The following CPE variants were observed in gnomAD, a reference collection of about 807,000 sequenced individuals.
CPE encodes carboxypeptidase E, also known as carbocypeptidase E.
In CPE, 17 loss-of-function variants were observed where a neutral mutation model predicts 53.5. The observed-to-expected ratio is 0.32, with a 90% CI of 0.22 to 0.48. The LOEUF is 0.48. Ranked by LOEUF, CPE falls within the 20% of genes least tolerant of loss-of-function variation. The pLI, the probability that CPE is intolerant of heterozygous loss-of-function variation, is 0.99. For synonymous variants in CPE, 226 were observed against 228.8 expected, an observed-to-expected ratio of 0.99 and a Z score of 0.11; for missense variants, 524 against 614.7, an observed-to-expected ratio of 0.85 and a Z score of 1.56.
chr4:165,391,415 A>G lies in CPE; in HGVS notation c.307+11887A>G, dbSNP rs61073284. Among the ~76,000 whole-genome samples, 1,071 of 152,236 alleles carry G rather than the reference A, an allele frequency of 7.0e-3. 11 individuals carry two copies. Among genetic ancestry groups the G allele is most frequent in the African/African-American group, 0.024 (984 of 41,566 alleles). Reference sequence around the variant, plus strand: ...AAGAAGGCTCTCATTCATGGAACATATTTCATTTTCCATAATATTCTCAGC... The same window carrying G: ...AAGAAGGCTCTCATTCATGGAACATGTTTCATTTTCCATAATATTCTCAGC... On this transcript the variant is annotated intron_variant, in intron 1 of 8. Transcript: ENST00000402744.
At chr4:165,380,610 A>C (rs1382536054) in intron 1 of CPE, among the ~76,000 whole-genome samples, 7 of 152,206 alleles carry the variant, frequency 4.6e-5, no homozygotes, top group Admixed American at 3.3e-4. Flanking sequence ...CAAGAAAAGT[A>C]GGCTAAAAAT....
At chr4:165,383,026 G>A (rs903607661) in intron 1 of CPE, among the ~76,000 whole-genome samples, 4 of 152,108 alleles carry the variant, frequency 2.6e-5, no homozygotes, top group African/African-American at 9.7e-5. Flanking sequence ...AGAGAGTTGC[G>A]AGTAGCAGCC....
chr4:165,494,791 C>T (rs2126718735), intron 7 of CPE, among the ~76,000 whole-genome samples: 1 of 152,172 alleles, frequency 6.6e-6, no homozygotes, highest in Middle Eastern at 3.4e-3. Context: ...GTGATGGGGG[C>T]TTAATTTTTT....
At chr4:165,383,502 C>T (rs6855889) in intron 1 of CPE, among the ~76,000 whole-genome samples, 40,807 of 152,044 alleles carry the variant, frequency 0.27, 6,375 homozygotes, top group African/African-American at 0.44. Flanking sequence ...TTCTTTTACA[C>T]GTAGTTCAAG....
intron 1 of CPE, among the ~76,000 whole-genome samples, chr4:165,393,741 C>T (rs1488083797): frequency 1.3e-5 from 2 of 152,174 alleles, no homozygotes; most frequent in Non-Finnish European, 2.9e-5. Context: ...TGGAATGTAA[C>T]TTATCAGTTA....
intron 3 of CPE, among the ~76,000 whole-genome samples, chr4:165,473,962 G>A (rs888361574): frequency 6.6e-6 from 1 of 152,208 alleles, no homozygotes; most frequent in Non-Finnish European, 1.5e-5. Flanking sequence ...TGGCCCTCAG[G>A]GCATCCAATT....
intron 3 of CPE, among the ~76,000 whole-genome samples, chr4:165,474,740 A>C (rs1426632175): frequency 6.6e-6 from 1 of 152,186 alleles, no homozygotes; most frequent in Non-Finnish European, 1.5e-5. Context: ...CCTAGAACCA[A>C]CCTTCATGTC....
chr4:165,464,321 G>A lies in CPE; in HGVS notation c.308-69G>A, dbSNP rs534728397. 1.4e-4 allele frequency: 168 copies of A among 1,202,010 alleles called. 1 individual carries two copies. In the African/African-American group the frequency reaches 2.3e-3, roughly 17 times the overall value. 74.5% of individuals were successfully genotyped at this position (1,202,010 alleles called of 1,614,324 possible). On this transcript the variant is annotated intron_variant, in intron 1 of 8. Coordinates refer to ENST00000402744, the MANE Select transcript of CPE (RefSeq NM_001873.4). ...CCCATCAGATATTCATAATACATTT[G>A]TAGGTATACAATATATTTGGCTCTG... is the stretch of plus-strand genomic sequence containing the variant.
At chr4:165,462,853 T>C (rs902731912) in intron 1 of CPE, among the ~76,000 whole-genome samples, 9 of 152,186 alleles carry the variant, frequency 5.9e-5, no homozygotes, top group Non-Finnish European at 2.9e-5. Context: ...CACAAGGTCA[T>C]AGTTTTCTGG....
rs566668838 is a variant in CPE, at chr4:165,400,507, T to C, written c.307+20979T>C. On this transcript the variant is annotated intron_variant, in intron 1 of 8. Transcript: ENST00000402744. ...TGACGATGCCCAGTGCTGTGGAAGTTAATGAAGCAGAGGATACAGTAAAGG... is the reference window on the plus strand; with the variant it reads ...TGACGATGCCCAGTGCTGTGGAAGTCAATGAAGCAGAGGATACAGTAAAGG... 4.6e-5 allele frequency among the ~76,000 whole-genome samples: 7 copies of C among 152,130 alleles called. No homozygotes were observed. The South Asian group carries it at 1.5e-3, about 32-fold the overall frequency.
At chr4:165,451,479 A>ATTTAT (rs370777951) in intron 1 of CPE, among the ~76,000 whole-genome samples, 2 of 150,462 alleles carry the variant, frequency 1.3e-5, no homozygotes, top group South Asian at 4.2e-4. Flanking sequence ...AGGTTTTATT[A>ATTTAT]TTATTTATTT....
At position 165,464,411 on chromosome 4, in the gene CPE, T is replaced by C; in HGVS notation, c.329T>C (p.Ile110Thr). 1 of 1,609,276 alleles carries C rather than the reference T, an allele frequency of 6.2e-7. No individual in the cohort carries two copies. The highest frequency in any genetic ancestry group is 8.5e-7 in the Non-Finnish European group (1 of 1,177,816). The change falls in exon 2 of 9, where the codon ATT becomes ACT. Residue 110 changes from isoleucine to threonine, a missense_variant. By Grantham distance (89) the Ile-to-Thr change is moderately conservative. Transcript: ENST00000402744. ...TTAGGTGAGCCTGAATTTAAATACA[T>C]TGGGAATATGCATGGGAATGAGGCT... ...HEPGEPEFKY[I>T]GNMHGNEAVG...
At position 165,482,307 on chromosome 4, in the gene CPE, T is replaced by C. The variant is rs1276677093; in HGVS notation, c.738T>C (p.Asn246=). The C allele has an allele frequency of 6.2e-7, 1 of 1,613,956 alleles. No individual in the cohort carries two copies. Among genetic ancestry groups the C allele is most frequent in the Non-Finnish European group, 8.5e-7 (1 of 1,179,944 alleles). The change falls in exon 4 of 9, where the codon AAT becomes AAC. Residue 246 remains asparagine (N), a synonymous_variant. Coordinates refer to ENST00000402744, the MANE Select transcript of CPE (RefSeq NM_001873.4). Reference sequence around the variant, plus strand: ...ATATTCCTTTTGTGCTTTCTGCCAATCTCCATGGAGGAGACCTTGTGGCCA... The same window carrying C: ...ATATTCCTTTTGTGCTTTCTGCCAACCTCCATGGAGGAGACCTTGTGGCCA... ...IMDIPFVLSA[N]LHGGDLVANY...
chr4:165,407,784 G>C (rs941606096), intron 1 of CPE, among the ~76,000 whole-genome samples: 12 of 151,832 alleles, frequency 7.9e-5, no homozygotes, highest in African/African-American at 1.7e-4. Context: ...TTGAACTCCT[G>C]ACCTCAGGTG....
At chr4:165,412,889 T>A (rs972192511) in intron 1 of CPE, among the ~76,000 whole-genome samples, 2 of 152,252 alleles carry the variant, frequency 1.3e-5, no homozygotes, top group African/African-American at 4.8e-5. Context: ...TGCACCGTTA[T>A]AACCAGTGAT....
intron 1 of CPE, among the ~76,000 whole-genome samples, chr4:165,384,098 C>T (rs773118053): frequency 1.1e-4 from 17 of 152,122 alleles, no homozygotes; most frequent in South Asian, 2.1e-4. Context: ...TACCACGGGG[C>T]GAAATCCTAT....
At chr4:165,488,760 T>G (rs914029269) in intron 6 of CPE, among the ~76,000 whole-genome samples, 1 of 151,624 alleles carries the variant, frequency 6.6e-6, no homozygotes, top group African/African-American at 2.4e-5. Context: ...AAACCAGGAG[T>G]TGAATCCAGT....
chr4:165,473,310 TA>T (rs2126705968), intron 3 of CPE, among the ~76,000 whole-genome samples: 1 of 131,048 alleles, frequency 7.6e-6, no homozygotes, highest in East Asian at 2.3e-4. Context: ...TTCTGTTCTT[TA>T]TAATCTGCCT....
chr4:165,447,310 C>T (rs1467812626), intron 1 of CPE, among the ~76,000 whole-genome samples: 1 of 152,134 alleles, frequency 6.6e-6, no homozygotes, highest in Non-Finnish European at 1.5e-5. Flanking sequence ...GTGGCTCACA[C>T]CTGTAATCCC....
Sources: allele counts gnomAD v4.1 joint callset (sites outside exome capture counted in the v4.1 genomes callset), GRCh38; gene constraint gnomAD v4.1.1; transcripts MANE v1.5; gene names NCBI Gene and HGNC (gene_info 2026-07-23, HGNC 2026-07-21).